AUH: variants seen among roughly 807,000 people sequenced by gnomAD.
AUH encodes AU RNA binding methylglutaconyl-CoA hydratase.
In AUH, 29 loss-of-function variants were observed where a neutral mutation model predicts 42.3. The observed-to-expected ratio is 0.69, with a 90% CI of 0.51 to 0.93. The LOEUF is 0.93. Ranked by LOEUF, AUH falls within the 40% of genes least tolerant of loss-of-function variation. The pLI is 0.00. For missense variants in AUH, 452 were observed against 438.1 expected, an observed-to-expected ratio of 1.03 and a Z score of -0.28; for synonymous variants, 174 against 166.4, an observed-to-expected ratio of 1.05 and a Z score of -0.35.
intron 6 of AUH, among the ~76,000 whole-genome samples, chr9:91,294,221 A>G (rs1827134504): frequency 6.6e-6 from 1 of 152,246 alleles, no homozygotes; most frequent in Non-Finnish European, 1.5e-5. Flanking sequence ...TCCACAGCCC[A>G]TGGATCAGTC....
intron 6 of AUH, among the ~76,000 whole-genome samples, chr9:91,241,988 T>C (rs1365118528): frequency 2.0e-5 from 3 of 152,226 alleles, no homozygotes; most frequent in Non-Finnish European, 4.4e-5. Flanking sequence ...AAACAAACAC[T>C]TACTCTTTGA....
chr9:91,268,338 T>C (rs1210982968), intron 6 of AUH, among the ~76,000 whole-genome samples: 1 of 152,110 alleles, frequency 6.6e-6, no homozygotes, highest in Admixed American at 6.5e-5. Context: ...ATAACTCATA[T>C]CTATGTTGGG....
chr9:91,323,516 G>C (rs1829742477), intron 4 of AUH, among the ~76,000 whole-genome samples: 1 of 151,988 alleles, frequency 6.6e-6, no homozygotes. Flanking sequence ...TCAGCTACTT[G>C]AGAGGCTGAG....
At chr9:91,361,559 C>T in intron 1 of AUH, 69 bp downstream of exon 1, 2 of 1,535,394 alleles carry the variant, frequency 1.3e-6, no homozygotes, top group Non-Finnish European at 8.8e-7. Flanking sequence ...GCGGACGCTG[C>T]ACCTTATGCC....
intron 3 of AUH, among the ~76,000 whole-genome samples, chr9:91,340,619 T>C (rs1415497577): frequency 6.6e-6 from 1 of 152,138 alleles, no homozygotes; most frequent in Non-Finnish European, 1.5e-5. Context: ...CTGAACAAAA[T>C]ACTTCTCAAA....
chr9:91,298,369 G>A (rs972565206), intron 4 of AUH, among the ~76,000 whole-genome samples: 1 of 152,074 alleles, frequency 6.6e-6, no homozygotes, highest in Non-Finnish European at 1.5e-5. Flanking sequence ...ACAGTTCTAC[G>A]ATTTCTTAAT....
At chr9:91,345,380 A>G (rs1831419558) in intron 3 of AUH, among the ~76,000 whole-genome samples, 1 of 152,184 alleles carries the variant, frequency 6.6e-6, no homozygotes, top group East Asian at 1.9e-4. Flanking sequence ...ACAAAAATCA[A>G]TATACTAGCA....
intron 6 of AUH, among the ~76,000 whole-genome samples, chr9:91,284,592 A>G (rs1048717085): frequency 2.6e-5 from 4 of 152,236 alleles, no homozygotes; most frequent in African/African-American, 9.6e-5. Flanking sequence ...TCCAGAATCT[A>G]CAATGAACTC....
At chr9:91,273,829 G>A (rs527990815) in intron 6 of AUH, among the ~76,000 whole-genome samples, 5 of 152,320 alleles carry the variant, frequency 3.3e-5, no homozygotes, top group African/African-American at 1.2e-4. Flanking sequence ...AAGGATCTGA[G>A]CTCTTTGACG....
chr9:91,359,048 G>A (rs7020893), intron 1 of AUH, among the ~76,000 whole-genome samples: 32,334 of 151,992 alleles, frequency 0.21, 3,656 homozygotes, highest in East Asian at 0.35. Flanking sequence ...AAGCTTAGGC[G>A]TTCACATGCC....
At chr9:91,290,346 T>G (rs960628131) in intron 6 of AUH, among the ~76,000 whole-genome samples, 2 of 151,948 alleles carry the variant, frequency 1.3e-5, no homozygotes, top group Admixed American at 6.6e-5. Flanking sequence ...ACCCAAGAGT[T>G]TGAGGCTGCA....
At chr9:91,219,028 C>T in intron 7 of AUH, 1 of 985,458 alleles carries the variant, frequency 1.0e-6, no homozygotes, top group Non-Finnish European at 1.2e-6. Context: ...GACAAAGGCA[C>T]ATGCACAGGG....
intron 6 of AUH, among the ~76,000 whole-genome samples, chr9:91,280,973 G>A (rs1825914799): frequency 6.6e-6 from 1 of 152,030 alleles, no homozygotes; most frequent in South Asian, 2.1e-4. Flanking sequence ...TGAATTTTAG[G>A]GAGTTTATTT....
intron 6 of AUH, among the ~76,000 whole-genome samples, chr9:91,225,935 T>G (rs1333369263): frequency 6.6e-6 from 1 of 151,018 alleles, no homozygotes; most frequent in Admixed American, 6.6e-5. Context: ...CACATTTTCT[T>G]AATCCAGTCT....
intron 6 of AUH, among the ~76,000 whole-genome samples, chr9:91,260,072 T>G (rs1829629220): frequency 6.6e-6 from 1 of 152,166 alleles, no homozygotes; most frequent in Non-Finnish European, 1.5e-5. Flanking sequence ...GAAGTTCTAT[T>G]GTTATGAAAC....
intron 4 of AUH, among the ~76,000 whole-genome samples, chr9:91,301,832 A>T (rs1047978272): frequency 2.0e-5 from 3 of 152,224 alleles, no homozygotes; most frequent in Admixed American, 1.3e-4. Context: ...AAAAAGAACA[A>T]GAAAAATGGG....
intron 4 of AUH, among the ~76,000 whole-genome samples, chr9:91,308,826 T>A (rs1828441874): frequency 6.6e-6 from 1 of 151,580 alleles, no homozygotes; most frequent in Admixed American, 6.6e-5. Flanking sequence ...GTTTCGCTAT[T>A]GTTACCCAGG....
chr9:91,290,524 AAAT>A (rs1032783747), intron 6 of AUH, among the ~76,000 whole-genome samples: 1 of 152,218 alleles, frequency 6.6e-6, no homozygotes, highest in Non-Finnish European at 1.5e-5. Context: ...GAAACTAGAA[AAAT>A]AATTCTATTT....
chr9:91,325,525 G>T, intron 3 of AUH, 121 bp from the exon 4 acceptor site: 1 of 792,640 alleles, frequency 1.3e-6, no homozygotes, highest in Non-Finnish European at 2.2e-6. Flanking sequence ...TCTTTTAATA[G>T]AATGACATTA....
Sources: allele counts gnomAD v4.1 joint callset (sites outside exome capture counted in the v4.1 genomes callset), GRCh38; gene constraint gnomAD v4.1.1; transcripts MANE v1.5; gene names NCBI Gene and HGNC (gene_info 2026-07-23, HGNC 2026-07-21).